Variants in UNC5C observed in about 807,000 individuals in gnomAD.
The protein encoded by UNC5C is unc-5 netrin receptor C, also known as netrin receptor UNC5C.
UNC5C carries 47 observed loss-of-function variants against 99.8 expected under a neutral mutation model. The observed-to-expected ratio is 0.47, with a 90% CI of 0.37 to 0.60. UNC5C has a LOEUF of 0.60. UNC5C is among the 20% of genes least tolerant of loss of function. The pLI, the probability that UNC5C is intolerant of heterozygous loss-of-function variation, is 0.00. For synonymous variants in UNC5C, 487 were observed against 452.2 expected (o/e 1.08, Z -0.98); for missense variants, 1,062 against 1,165.9 (o/e 0.91, Z 1.30).
intron 14 of UNC5C, among the ~76,000 whole-genome samples, chr4:95,176,062 C>T (rs1298876298): frequency 6.6e-6 from 1 of 151,584 alleles, no homozygotes; most frequent in Admixed American, 6.6e-5. Flanking sequence ...GCATTCTTCA[C>T]GTAGTTCTTG....
In UNC5C at chr4:95,290,876, GA is replaced by G. The variant is rs562644398; in HGVS notation, c.490+10729del. On this transcript the variant is annotated intron_variant, in intron 3 of 15. Coordinates refer to ENST00000453304, the MANE Select transcript of UNC5C (RefSeq NM_003728.4). ...AACTCATAACCAGGAAGAGCGGTTA[GA>G]ATGATCTGCAGCAAGTCAGCAGAAA... Among the ~76,000 whole-genome samples the G allele has an allele frequency of 1.1e-4, 17 of 152,274 alleles. No individual in the cohort carries two copies. The South Asian group carries it at 3.5e-3, about 32-fold the overall frequency.
intron 7 of UNC5C, among the ~76,000 whole-genome samples, chr4:95,239,482 C>G (rs777316874): frequency 4.6e-5 from 7 of 152,134 alleles, no homozygotes; most frequent in Non-Finnish European, 1.0e-4. Context: ...GCCAGGACTT[C>G]TTCTCTGTGC....
At chr4:95,376,320 A>G (rs2149440369) in intron 1 of UNC5C, among the ~76,000 whole-genome samples, 1 of 152,204 alleles carries the variant, frequency 6.6e-6, no homozygotes, top group African/African-American at 2.4e-5. Context: ...TGAACTATAC[A>G]GTAATCCAGT....
chr4:95,407,479 C>CA (rs568561928), intron 1 of UNC5C, among the ~76,000 whole-genome samples: 340 of 152,166 alleles, frequency 2.2e-3, no homozygotes, highest in African/African-American at 7.9e-3. Flanking sequence ...TAAAACCAAT[C>CA]ATGCTCAGCT....
chr4:95,274,800 C>T (rs1421487317), intron 4 of UNC5C, among the ~76,000 whole-genome samples: 1 of 151,958 alleles, frequency 6.6e-6, no homozygotes, highest in Non-Finnish European at 1.5e-5. Flanking sequence ...CTGAGGCAAG[C>T]AGATCACTTA....
At chr4:95,384,455 C>G (rs992355459) in intron 1 of UNC5C, among the ~76,000 whole-genome samples, 3 of 152,046 alleles carry the variant, frequency 2.0e-5, no homozygotes, top group African/African-American at 7.2e-5. Context: ...AGTGTGTGTC[C>G]AGGGCACTCT....
At chr4:95,325,863 T>C (rs1419318924) in intron 2 of UNC5C, among the ~76,000 whole-genome samples, 1 of 152,038 alleles carries the variant, frequency 6.6e-6, no homozygotes, top group Admixed American at 6.6e-5. Context: ...ACATGAAAAA[T>C]GCACATACAG....
At chr4:95,259,692 T>C (rs1740147669) in intron 4 of UNC5C, among the ~76,000 whole-genome samples, 1 of 152,140 alleles carries the variant, frequency 6.6e-6, no homozygotes, top group African/African-American at 2.4e-5. Context: ...TATTTTCTAA[T>C]TCTAAAGTAT....
intron 12 of UNC5C, among the ~76,000 whole-genome samples, chr4:95,189,071 G>C: frequency 6.6e-6 from 1 of 152,172 alleles, no homozygotes; most frequent in East Asian, 1.9e-4. Flanking sequence ...CGTGACCCTG[G>C]AAAGAAATGC....
At chr4:95,416,361 C>T (rs1313326692) in intron 1 of UNC5C, among the ~76,000 whole-genome samples, 2 of 151,972 alleles carry the variant, frequency 1.3e-5, no homozygotes, top group Non-Finnish European at 1.5e-5. Flanking sequence ...AGGTTCATTC[C>T]TCAGTTCATC....
chr4:95,527,118 C>T (rs1722519508), intron 1 of UNC5C, among the ~76,000 whole-genome samples: 1 of 151,994 alleles, frequency 6.6e-6, no homozygotes, highest in Non-Finnish European at 1.5e-5. Flanking sequence ...TCACAAACTT[C>T]CTAAAAATGA....
At chr4:95,457,376 A>G (rs981925991) in intron 1 of UNC5C, among the ~76,000 whole-genome samples, 1 of 152,156 alleles carries the variant, frequency 6.6e-6, no homozygotes, top group African/African-American at 2.4e-5. Flanking sequence ...ACAAACATGA[A>G]CATTAACCCC....
intron 2 of UNC5C, among the ~76,000 whole-genome samples, chr4:95,314,058 T>A (rs185173617): frequency 6.6e-6 from 1 of 152,330 alleles, no homozygotes; most frequent in East Asian, 1.9e-4. Context: ...ATGTACTGCA[T>A]CATAATTATC....
intron 3 of UNC5C, 119 bp from the exon 4 acceptor site, chr4:95,278,481 CT>C (rs879604007): frequency 0.055 from 26,702 of 487,744 alleles, no homozygotes; most frequent in East Asian, 0.074. Context: ...TTTCTTTTTT[CT>C]TTTTTTTTTT....
chr4:95,288,536 T>G (rs1437949671), intron 3 of UNC5C, among the ~76,000 whole-genome samples: 2 of 152,184 alleles, frequency 1.3e-5, no homozygotes, highest in Non-Finnish European at 2.9e-5. Context: ...TTCCACAAAC[T>G]TCCTGGCTTA....
chr4:95,483,698 T>A (rs989706583), intron 1 of UNC5C, among the ~76,000 whole-genome samples: 2 of 151,834 alleles, frequency 1.3e-5, no homozygotes, highest in African/African-American at 2.4e-5. Context: ...CTTGATAACA[T>A]CTCTTAATAG....
chr4:95,379,238 C>G (rs1744990398), intron 1 of UNC5C, among the ~76,000 whole-genome samples: 1 of 152,150 alleles, frequency 6.6e-6, no homozygotes, highest in African/African-American at 2.4e-5. Flanking sequence ...TCATATCTCA[C>G]AAAACAAGTG....
rs115172185 is a variant in UNC5C, at chr4:95,542,158, A to G, written c.124+6576T>C. ...CTCTGGTGTTAAATCTGAGTAATCA[A>G]TATCATCTGTTAATATGATTATTGT... On this transcript the variant is annotated intron_variant, in intron 1 of 15. Coordinates refer to ENST00000453304, the MANE Select transcript of UNC5C (RefSeq NM_003728.4). Among the ~76,000 whole-genome samples, 1,111 of 152,284 alleles carry G rather than the reference A, an allele frequency of 7.3e-3. 10 individuals are homozygous for G. The highest frequency in any genetic ancestry group is 0.025 in the African/African-American group (1,019 of 41,582).
At chr4:95,461,499 A>C in intron 1 of UNC5C, among the ~76,000 whole-genome samples, 1 of 97,538 alleles carries the variant, frequency 1.0e-5, no homozygotes, top group Non-Finnish European at 2.0e-5. Context: ...CAAGAGAATC[A>C]AGTATTTACA....
Sources: gnomAD v4.1 joint callset for allele counts (sites outside exome capture counted in the v4.1 genomes callset) on GRCh38, gnomAD v4.1.1 for gene constraint, MANE v1.5 for transcripts, NCBI Gene and HGNC (gene_info 2026-07-23, HGNC 2026-07-21) for gene names.